Variants in NRG1 observed in about 807,000 individuals in gnomAD.
The protein encoded by NRG1 is neuregulin 1.
In NRG1, 18 loss-of-function variants were observed where a neutral mutation model predicts 63.8. The observed-to-expected ratio is 0.28, with a 90% confidence interval of 0.19 to 0.42. The LOEUF (loss-of-function observed/expected upper bound fraction) is 0.42. NRG1 is among the 10% of genes least tolerant of loss of function. The pLI, the probability that NRG1 is intolerant of heterozygous loss-of-function variation, is 1.00. For missense variants in NRG1, 762 were observed against 814.7 expected, an observed-to-expected ratio of 0.94 and a Z score of 0.79; for synonymous variants, 302 against 301.3, an observed-to-expected ratio of 1.00 and a Z score of -0.02.
chr8:31,841,571 T>C (rs900579579), intron 1 of NRG1, among the ~76,000 whole-genome samples: 3 of 152,058 alleles, frequency 2.0e-5, no homozygotes, highest in African/African-American at 7.2e-5. Context: ...AAAACCTGAA[T>C]CAGAAGAGTA....
intron 1 of NRG1, among the ~76,000 whole-genome samples, chr8:32,043,671 A>G (rs1820454568): frequency 6.6e-6 from 1 of 151,972 alleles, no homozygotes; most frequent in Non-Finnish European, 1.5e-5. Flanking sequence ...AAGGACCTAT[A>G]TGATGGTAGT....
At chr8:31,649,103 T>G (rs1474811309) in intron 1 of NRG1, among the ~76,000 whole-genome samples, 2 of 152,048 alleles carry the variant, frequency 1.3e-5, no homozygotes, top group African/African-American at 2.4e-5. Flanking sequence ...GGAGTACAGG[T>G]GCATGCCACC....
At chr8:31,773,345 T>C (rs567139506) in intron 1 of NRG1, among the ~76,000 whole-genome samples, 2 of 152,288 alleles carry the variant, frequency 1.3e-5, no homozygotes, top group South Asian at 2.1e-4. Flanking sequence ...AGGAGTCCTG[T>C]TCATTTGAGT....
At chr8:32,587,836 A>G (rs950487085) in intron 1 of NRG1, among the ~76,000 whole-genome samples, 1 of 152,168 alleles carries the variant, frequency 6.6e-6, no homozygotes, top group African/African-American at 2.4e-5. Context: ...ACCCCCTGCT[A>G]TTAACTTGCT....
intron 1 of NRG1, among the ~76,000 whole-genome samples, chr8:31,928,672 C>A (rs1585838422): frequency 7.6e-6 from 1 of 130,752 alleles, no homozygotes; most frequent in Admixed American, 7.7e-5. Context: ...ACACACACAC[C>A]ATGAAATACT....
At position 32,228,753 on chromosome 8, in the gene NRG1, T is replaced by C. The variant is rs183862149; in HGVS notation, c.38-367075T>C. Among the ~76,000 whole-genome samples, 142 of 152,230 alleles carry C rather than the reference T, an allele frequency of 9.3e-4. 2 individuals are homozygous for C. In the East Asian group the frequency reaches 0.013, roughly 14 times the overall value. The stretch of plus-strand genomic sequence containing the variant: ...AGATCCATATGAAAGAAATAAGAAC[T>C]CTCACAATTGTGACATATATACGTG... On this transcript the variant is annotated intron_variant, in intron 1 of 10. Coordinates refer to the NRG1 transcript ENST00000519301.
chr8:32,537,314 G>A (rs1315187461), intron 1 of NRG1, among the ~76,000 whole-genome samples: 2 of 151,588 alleles, frequency 1.3e-5, no homozygotes, highest in Admixed American at 6.6e-5. Context: ...CAACTGAGTT[G>A]GTTCATTGTC....
intron 1 of NRG1, among the ~76,000 whole-genome samples, chr8:31,758,952 G>C (rs952010369): frequency 1.3e-5 from 2 of 152,118 alleles, no homozygotes; most frequent in African/African-American, 4.8e-5. Flanking sequence ...ATATGTTAAA[G>C]GGTGTGTAGT....
chr8:32,248,431 T>C (rs1019637990), intron 1 of NRG1, among the ~76,000 whole-genome samples: 5 of 152,010 alleles, frequency 3.3e-5, no homozygotes, highest in African/African-American at 1.2e-4. Context: ...CAAAACTGAA[T>C]GTACATGCTT....
At chr8:31,947,367 C>T (rs1793067052) in intron 1 of NRG1, among the ~76,000 whole-genome samples, 2 of 151,334 alleles carry the variant, frequency 1.3e-5, no homozygotes, top group East Asian at 1.9e-4. Flanking sequence ...CCTTCTCTTC[C>T]AATCTTTAGC....
Position 31,640,779 on chromosome 8 carries a change from C to G in NRG1, c.37+1348C>G, listed in dbSNP as rs773123804. On this transcript the variant is annotated intron_variant, in intron 1 of 10. Transcript: ENST00000519301. The surrounding 1 kb of genome is among the most constrained non-coding windows in gnomAD (Gnocchi z 6.3). ...CGAACCCGCGGCGAGGAGGGCGCAT[C>G]CCGGGCGCGCGGGCAGCGGGGCTCG... 5.5e-6 allele frequency: 8 copies of G among 1,447,492 alleles called. No homozygotes were observed. In the South Asian group the frequency reaches 1.2e-4, roughly 21 times the overall value. The allele number at this position is 1,447,492 out of a possible 1,614,324, so 89.7% of individuals were successfully genotyped here.
At chr8:32,156,666 G>A (rs1838108209) in intron 1 of NRG1, among the ~76,000 whole-genome samples, 1 of 152,220 alleles carries the variant, frequency 6.6e-6, no homozygotes, top group African/African-American at 2.4e-5. Context: ...AAAGAATAAA[G>A]CTGGCAAGCA....
intron 1 of NRG1, among the ~76,000 whole-genome samples, chr8:32,104,898 C>CA (rs111458638): frequency 1.3e-4 from 19 of 147,408 alleles, no homozygotes; most frequent in African/African-American, 4.8e-4. Context: ...GAGGCTGTTT[C>CA]ACAGTTAACT....
chr8:32,428,596 C>A (rs1817720384), intron 1 of NRG1, among the ~76,000 whole-genome samples: 1 of 152,126 alleles, frequency 6.6e-6, no homozygotes, highest in African/African-American at 2.4e-5. Flanking sequence ...GCCAAAAGAA[C>A]CAAGGCTGCT....
intron 5 of NRG1, among the ~76,000 whole-genome samples, chr8:32,696,805 C>T (rs921569519): frequency 2.0e-5 from 3 of 152,030 alleles, no homozygotes; most frequent in Admixed American, 6.6e-5. Flanking sequence ...GGATTACAGG[C>T]GTGCGCCACC....
intron 1 of NRG1, among the ~76,000 whole-genome samples, chr8:32,059,678 T>C (rs1823531492): frequency 6.6e-6 from 1 of 152,056 alleles, no homozygotes. Context: ...TAAAAACTTT[T>C]AGGAGCATCT....
chr8:32,480,275 G>A (rs1214105091), intron 1 of NRG1, among the ~76,000 whole-genome samples: 1 of 152,060 alleles, frequency 6.6e-6, no homozygotes. Flanking sequence ...ACAGTAGAAA[G>A]GTGATTACCA....
In NRG1 at chr8:32,096,133, A is replaced by G. The variant is rs549292754; in HGVS notation, c.37+456702A>G. On this transcript the variant is annotated intron_variant, in intron 1 of 10. Coordinates refer to the NRG1 transcript ENST00000519301. ...GCAAGGGCTAGGAGGGGTGGTAGTG[A>G]AAGGAGTTTGCATTGTATTTGAACA... Among the ~76,000 whole-genome samples the G allele has an allele frequency of 3.9e-5, 6 of 152,326 alleles. No homozygotes were observed. The South Asian group carries it at 1.0e-3, about 26-fold the overall frequency.
In NRG1 at chr8:31,725,679, A is replaced by G. The variant is rs76696769; in HGVS notation, c.37+86248A>G. On this transcript the variant is annotated intron_variant, in intron 1 of 10. Transcript: ENST00000519301. ...AACTCACTGAGCTTAAAGCAGCCAA[A>G]GGAAAAATATGTGCTCATTTTAAGT... Among the ~76,000 whole-genome samples, 586 of 152,316 alleles carry G rather than the reference A, an allele frequency of 3.8e-3. 1 individual carries two copies. The highest frequency in any genetic ancestry group is 0.019 in the South Asian group (92 of 4,828).
Sources: gnomAD v4.1 joint callset for allele counts (sites outside exome capture counted in the v4.1 genomes callset) on GRCh38, gnomAD v4.1.1 for gene constraint, Gnocchi (gnomAD v3.1) non-coding constraint, MANE v1.5 for transcripts, NCBI Gene and HGNC (gene_info 2026-07-23, HGNC 2026-07-21) for gene names.